LRP2: variants seen among roughly 807,000 people sequenced by gnomAD.
The protein encoded by LRP2 is low-density lipoprotein receptor-related protein 2.
LRP2 carries 172 observed loss-of-function variants against 531.0 expected under a neutral mutation model. The ratio of observed to expected loss-of-function variants is 0.32; its 90% CI spans 0.29 to 0.37. LRP2 has a LOEUF of 0.37. Among genes scored for constraint, LRP2 ranks in the 10% least tolerant of loss-of-function variants. The pLI is 1.00. For synonymous variants in LRP2, 1,992 were observed against 2,027.6 expected, an observed-to-expected ratio of 0.98 and a Z score of 0.47; for missense variants, 5,167 against 5,868.3, an observed-to-expected ratio of 0.88 and a Z score of 3.90.
intron 69 of LRP2, 40 bp from the exon 70 acceptor site, chr2:169,145,963 G>T: frequency 6.3e-7 from 1 of 1,599,538 alleles, no homozygotes; most frequent in Non-Finnish European, 8.6e-7. Flanking sequence ...GAAGGTTATT[G>T]AAAAGAAAAT....
At chr2:169,245,348 C>G (rs879906892) in intron 21 of LRP2, among the ~76,000 whole-genome samples, 1 of 152,112 alleles carries the variant, frequency 6.6e-6, no homozygotes, top group Admixed American at 6.6e-5. Context: ...ATTTCAAATT[C>G]AGACTATAGA....
At chr2:169,148,687 TA>T (rs768546238) in intron 68 of LRP2, among the ~76,000 whole-genome samples, 2 of 151,544 alleles carry the variant, frequency 1.3e-5, no homozygotes, top group African/African-American at 4.9e-5. Context: ...TACTCAAAAC[TA>T]AAAAAAACAA....
At position 169,251,869 on chromosome 2, in the gene LRP2, C is replaced by T. The variant is rs1406047427; in HGVS notation, c.2770+4237G>A. On this transcript the variant is annotated intron_variant, in intron 19 of 78. Coordinates refer to ENST00000649046, the MANE Select transcript of LRP2 (RefSeq NM_004525.3). Reference sequence around the variant, plus strand: ...AGAGAATACTACAAACACCTCTTCGCAAATAAACTAGAAAATCTAGAAGAA... The same window carrying T: ...AGAGAATACTACAAACACCTCTTCGTAAATAAACTAGAAAATCTAGAAGAA... Among the ~76,000 whole-genome samples, 2 of 70,130 alleles carry T rather than the reference C, an allele frequency of 2.9e-5. 1 individual carries two copies. The highest frequency in any genetic ancestry group is 5.0e-5 in the Non-Finnish European group (2 of 40,076). 46.0% of individuals were successfully genotyped at this position (70,130 alleles called of 152,430 possible).
chr2:169,170,923 T>G (rs931934636), intron 58 of LRP2, among the ~76,000 whole-genome samples: 1 of 88,432 alleles, frequency 1.1e-5, no homozygotes, highest in South Asian at 5.2e-4. Context: ...CTCTCTCTGT[T>G]TTTTTTTTTT....
chr2:169,204,367 C>T, intron 41 of LRP2, 96 bp from the exon 42 acceptor site: 1 of 1,173,630 alleles, frequency 8.5e-7, no homozygotes, highest in South Asian at 1.2e-5. Context: ...ATTGTTTACA[C>T]AAGCTGCAAA....
chr2:169,225,413 G>C lies in LRP2; in HGVS notation c.5435C>G (p.Thr1812Arg). ...CACCATAGATATAGAAGCAAATACT[G>C]TCCTGTTGGTGCCATCTGTCTTCAC... ...HRVKTDGTNR[T>R]VFASISMVGP... is the part of the protein sequence containing the mutation. Residue 1812 changes from threonine (T) to arginine (R), a missense_variant, in exon 33 of 79, where the codon ACA (threonine) becomes AGA (arginine). Transcript: ENST00000649046. 1 of 1,614,018 alleles carries C rather than the reference G, an allele frequency of 6.2e-7. No individual in the cohort carries two copies. Among genetic ancestry groups the C allele is most frequent in the Non-Finnish European group, 8.5e-7 (1 of 1,179,942 alleles).
At chr2:169,184,441 G>A (rs1411322114) in intron 50 of LRP2, among the ~76,000 whole-genome samples, 7 of 152,180 alleles carry the variant, frequency 4.6e-5, no homozygotes, top group Admixed American at 3.3e-4. Flanking sequence ...ATAAGGATGT[G>A]GGGAAGAGCC....
rs114702762 is a variant in LRP2 at position 169,204,893 on chromosome 2, G to T, written c.7715+586C>A. On this transcript the variant is annotated intron_variant, in intron 41 of 78. Transcript: ENST00000649046. ...AGGATGACTGGAATGTGAGACATAT[G>T]GGGGGTACTTGGAGAAGTTACATAC... Among the ~76,000 whole-genome samples the T allele has an allele frequency of 9.5e-3, 1,446 of 152,266 alleles. 23 individuals are homozygous for T. Among genetic ancestry groups the T allele is most frequent in the African/African-American group, 0.033 (1,368 of 41,546 alleles).
In LRP2 at chr2:169,320,917, T is replaced by C. The variant is rs554829968; in HGVS notation, c.80-33A>G. 44 of 1,407,592 alleles carry C rather than the reference T, an allele frequency of 3.1e-5. No individual in the cohort carries two copies. In the East Asian group the frequency reaches 3.6e-4, roughly 12 times the overall value. 87.2% of individuals were successfully genotyped at this position (1,407,592 alleles called of 1,614,324 possible). A position where few individuals can be genotyped will look rare whatever the true frequency, so the allele number is the denominator to read the frequency against. On this transcript the variant is annotated intron_variant, in intron 1 of 78. Transcript: ENST00000649046. ...AATAGACAGAAATTTTAAAAACTTA[T>C]GCCATGCAGATATTTAACCGAAGAA...
intron 3 of LRP2, among the ~76,000 whole-genome samples, chr2:169,314,437 A>T (rs953749501): frequency 1.4e-5 from 2 of 141,236 alleles, no homozygotes; most frequent in African/African-American, 6.4e-5. Context: ...AAAAAAAAAA[A>T]TATGTAAAAG....
At position 169,277,875 on chromosome 2, in the gene LRP2, G is replaced by T; in HGVS notation, c.1642C>A (p.Arg548Ser). The T allele has an allele frequency of 6.2e-7, 1 of 1,613,982 alleles. No homozygotes were observed. Among genetic ancestry groups the T allele is most frequent in the Non-Finnish European group, 8.5e-7 (1 of 1,179,966 alleles). ...AGCTTTGTTTTCACCAAGTCTTTAC[G>T]GTTGCTGCCATCCATGAATGCCCTT... ...LERAFMDGSN[R>S]KDLVKTKLGW... Residue 548 changes from arginine (R) to serine (S), a missense_variant, in exon 13 of 79, where the codon CGT (arginine) becomes AGT (serine). Arg to Ser is a moderately radical substitution (Grantham distance 110). This residue lies in a region of LRP2 where 2,811 missense variants were observed against 3,058.0 expected (regional missense o/e 0.92). Coordinates refer to ENST00000649046, the MANE Select transcript of LRP2 (RefSeq NM_004525.3).
intron 20 of LRP2, 89 bp from the exon 21 acceptor site, chr2:169,247,075 C>A (rs1690038349): frequency 1.4e-6 from 2 of 1,470,752 alleles, no homozygotes; most frequent in African/African-American, 1.4e-5. Context: ...ACAAACAGGA[C>A]AAAACATTTT....
At position 169,166,127 on chromosome 2, in the gene LRP2, A is replaced by C. The variant is rs1280828006; in HGVS notation, c.11636-73T>G. 6 of 1,513,604 alleles carry C rather than the reference A, an allele frequency of 4.0e-6. No homozygotes were observed. The East Asian group carries it at 1.4e-4, about 34-fold the overall frequency. 93.8% of individuals were successfully genotyped at this position (1,513,604 alleles called of 1,614,324 possible). On this transcript the variant is annotated intron_variant, in intron 61 of 78. Transcript: ENST00000649046. ...TAAGTGTCAATATCTAAAATACTCC[A>C]GTGTCAGCACCAGGCTTGCTTCATT...
At position 169,147,298 on chromosome 2, in the gene LRP2, G is replaced by A. The variant is rs370225393; in HGVS notation, c.12591-339C>T. ...CCTACTGTGTAAGAGGCACTGTTCT[G>A]TGTTTGGGATCTATCAGAGAACAAA... On this transcript the variant is annotated intron_variant, in intron 68 of 78. Transcript: ENST00000649046. Among the ~76,000 whole-genome samples, 49 of 152,282 alleles carry A rather than the reference G, an allele frequency of 3.2e-4. 1 individual carries two copies. In the South Asian group the frequency reaches 0.01, roughly 32 times the overall value.
chr2:169,328,441 T>TAAA lies in LRP2; in HGVS notation c.80-7560_80-7558dup, dbSNP rs537210492. 4.9e-3 allele frequency among the ~76,000 whole-genome samples: 239 copies of TAAA among 49,074 alleles called. 6 individuals are homozygous for TAAA. Among genetic ancestry groups the TAAA allele is most frequent in the African/African-American group, 6.8e-3 (92 of 13,460 alleles). The allele number at this position is 49,074 out of a possible 152,430, so 32.2% of individuals were successfully genotyped here. A position where few individuals can be genotyped will look rare whatever the true frequency, so the allele number is the denominator to read the frequency against. ...ACAGCTCATTGAGAACGGGCCGGGA[T>TAAA]AAAAAAAAAAAAAAAAAAAAAAAGA... On this transcript the variant is annotated intron_variant, in intron 1 of 78. Transcript: ENST00000649046.
intron 51 of LRP2, 147 bp downstream of exon 51, chr2:169,182,020 T>G (rs1484172327): frequency 2.0e-6 from 2 of 986,776 alleles, no homozygotes; most frequent in Non-Finnish European, 3.1e-6. Context: ...TTCTACTCAT[T>G]ACACTAAACA....
At chr2:169,222,626 T>C (rs4606889) in intron 33 of LRP2, among the ~76,000 whole-genome samples, 76,159 of 152,016 alleles carry the variant, frequency 0.5, 20,341 homozygotes, top group African/African-American at 0.69. Flanking sequence ...TTTTCCTACA[T>C]ATACACACCT....
At chr2:169,277,691 T>G in intron 13 of LRP2, 54 bp downstream of exon 13, 2 of 1,491,450 alleles carry the variant, frequency 1.3e-6, no homozygotes, top group Non-Finnish European at 1.9e-6. Flanking sequence ...GCAGCCATTT[T>G]ATGCACTTTC....
chr2:169,139,315 T>C lies in LRP2; in HGVS notation c.13324A>G (p.Ile4442Val), dbSNP rs1453624644. 1.2e-6 allele frequency: 2 copies of C among 1,614,018 alleles called. No homozygotes were observed. Among genetic ancestry groups the C allele is most frequent in the Non-Finnish European group, 1.7e-6 (2 of 1,180,008 alleles). Residue 4442 changes from isoleucine to valine, a missense_variant, in exon 74 of 79, where the codon ATT (isoleucine) becomes GTT (valine). Ile to Val is a conservative substitution (Grantham distance 29). This residue lies in a region of LRP2 where 348 missense variants were observed against 369.3 expected (regional missense o/e 0.94). Coordinates refer to ENST00000649046, the MANE Select transcript of LRP2 (RefSeq NM_004525.3). ...CTTCTATAGTGGAAGAATCCTGCAA[T>C]TGCCAGAGCTCCAATTACGACGATC... is the stretch of plus-strand genomic sequence containing the variant. ...LLIVVIGALA[I>V]AGFFHYRRTG...
Sources: allele counts gnomAD v4.1 joint callset (sites outside exome capture counted in the v4.1 genomes callset), GRCh38; gene constraint gnomAD v4.1.1; regional missense constraint gnomAD v4.1.1; transcripts MANE v1.5; gene names NCBI Gene and HGNC (gene_info 2026-07-23, HGNC 2026-07-21).